GRXCR2: variants seen among roughly 807,000 people sequenced by gnomAD.
The protein encoded by GRXCR2 is glutaredoxin and cysteine rich domain containing 2.
GRXCR2 carries 23 observed loss-of-function variants against 24.8 expected under a neutral mutation model. The ratio of observed to expected loss-of-function variants is 0.93; its 90% CI spans 0.67 to 1.32. The LOEUF is 1.32. Ranked by LOEUF, GRXCR2 falls within the 40% of genes most tolerant of loss-of-function variation. GRXCR2 has a pLI of 0.00. For synonymous variants in GRXCR2, 130 were observed against 116.1 expected (o/e 1.12, Z -0.77); for missense variants, 315 against 303.4 (o/e 1.04, Z -0.28).
chr5:145,876,982 G>C (rs1756628195), upstream of GRXCR2, among the ~76,000 whole-genome samples: 1 of 151,982 alleles, frequency 6.6e-6, no homozygotes, highest in African/African-American at 2.4e-5. Context: ...CTGGCAACTG[G>C]GTGGAGGATT....
chr5:145,904,886 G>A (rs990108852), intron 2 of GRXCR2, among the ~76,000 whole-genome samples: 2 of 152,150 alleles, frequency 1.3e-5, no homozygotes, highest in African/African-American at 4.8e-5. Context: ...GCTCTTGAAG[G>A]GCGCATGGTT....
At position 145,872,657 on chromosome 5, in the gene GRXCR2, G is replaced by T. The variant is rs774781797; in HGVS notation, c.312C>A (p.Asn104Lys). Residue 104 changes from asparagine (N) to lysine (K), a missense_variant, in exon 1 of 3, where the codon AAC becomes AAA. Asn to Lys is a moderately conservative substitution (Grantham distance 94, BLOSUM62 0). Coordinates refer to ENST00000377976, the MANE Select transcript of GRXCR2 (RefSeq NM_001080516.2). ...CCTTATGGTCATTCGCCTTGTAATC[G>T]TTGAACCGAGGCTGGCCGCCTGCCA... ...YTLAGGQPRF[N>K]DYKANDHKPL... 1.2e-6 allele frequency: 2 copies of T among 1,605,488 alleles called. No individual in the cohort carries two copies. The highest frequency in any genetic ancestry group is 1.7e-6 in the Non-Finnish European group (2 of 1,173,926).
Position 145,859,313 on chromosome 5 carries a change from C to T in GRXCR2, c.*420G>A. 1 of 169,802 alleles carries T rather than the reference C, an allele frequency of 5.9e-6. No homozygotes were observed. Among genetic ancestry groups the T allele is most frequent in the Admixed American group, 5.6e-5 (1 of 17,792 alleles). 10.5% of individuals were successfully genotyped at this position (169,802 alleles called of 1,614,324 possible). On this transcript the variant is annotated 3_prime_UTR_variant, in exon 3 of 3. Coordinates refer to ENST00000377976, the MANE Select transcript of GRXCR2 (RefSeq NM_001080516.2). ...GTTTGACTAATAATCACATGAGATG[C>T]ATTATAAGCAACAAGAAATCAGTTC... is the stretch of plus-strand genomic sequence containing the variant.
chr5:145,882,745 C>G (rs1756721178), intron 2 of GRXCR2, among the ~76,000 whole-genome samples: 1 of 152,078 alleles, frequency 6.6e-6, no homozygotes, highest in African/African-American at 2.4e-5. Context: ...TGGCACTATT[C>G]ACAATAGCTA....
chr5:145,868,220 C>G (rs939918758), intron 1 of GRXCR2, among the ~76,000 whole-genome samples: 1 of 152,142 alleles, frequency 6.6e-6, no homozygotes, highest in Non-Finnish European at 1.5e-5. Flanking sequence ...AATTATTCTT[C>G]TGTAGTGCAT....
intron 2 of GRXCR2, among the ~76,000 whole-genome samples, chr5:145,878,297 GA>G (rs891928319): frequency 6.6e-6 from 1 of 152,014 alleles, no homozygotes; most frequent in African/African-American, 2.4e-5. Flanking sequence ...TAAAAACCTT[GA>G]AAAAAGGTTA....
chr5:145,927,279 G>A (rs1757412518), intron 2 of GRXCR2, among the ~76,000 whole-genome samples: 1 of 152,120 alleles, frequency 6.6e-6, no homozygotes, highest in African/African-American at 2.4e-5. Context: ...AATAGGAGTG[G>A]TGAGAGAGGG....
At chr5:145,869,832 C>T (rs963925927) in intron 1 of GRXCR2, among the ~76,000 whole-genome samples, 2 of 152,170 alleles carry the variant, frequency 1.3e-5, no homozygotes, top group African/African-American at 4.8e-5. Flanking sequence ...GCTGGGATTA[C>T]AGGTGTGGGC....
chr5:145,908,564 G>A (rs565537650), intron 2 of GRXCR2, among the ~76,000 whole-genome samples: 1 of 152,286 alleles, frequency 6.6e-6, no homozygotes, highest in East Asian at 1.9e-4. Context: ...GCAGTATTAA[G>A]GAAGAAAATT....
Position 145,897,591 on chromosome 5 carries a change from C to CA in GRXCR2, c.-69-30864dup, listed in dbSNP as rs933875250. Among the ~76,000 whole-genome samples, 50 of 151,458 alleles carry CA rather than the reference C, an allele frequency of 3.3e-4. No individual in the cohort carries two copies. The Middle Eastern group carries it at 0.01, about 31-fold the overall frequency. On this transcript the variant is annotated intron_variant, in intron 2 of 3. Transcript: ENST00000639411. ...CCATAAAGCAAGTCTCAATCAATTC[C>CA]AAAAAAAATCACAATTATACTAACC...
At chr5:145,886,183 A>C (rs1756777775) in intron 2 of GRXCR2, among the ~76,000 whole-genome samples, 1 of 152,248 alleles carries the variant, frequency 6.6e-6, no homozygotes, top group Non-Finnish European at 1.5e-5. Flanking sequence ...GGTGTCACTT[A>C]GCTACCTATG....
At chr5:145,922,927 G>A (rs775944386) in intron 2 of GRXCR2, among the ~76,000 whole-genome samples, 10 of 152,226 alleles carry the variant, frequency 6.6e-5, no homozygotes, top group Non-Finnish European at 1.0e-4. Flanking sequence ...AGTGGGGTTT[G>A]CAATTATAAA....
intron 2 of GRXCR2, among the ~76,000 whole-genome samples, chr5:145,899,212 G>T (rs967204241): frequency 3.9e-5 from 6 of 152,036 alleles, no homozygotes; most frequent in Admixed American, 3.3e-4. Context: ...GGAGGTAAAA[G>T]ACCTCTACAA....
chr5:145,893,439 A>T (rs922595412), intron 2 of GRXCR2, among the ~76,000 whole-genome samples: 4 of 152,108 alleles, frequency 2.6e-5, no homozygotes, highest in Non-Finnish European at 4.4e-5. Flanking sequence ...TGGAGGAAGA[A>T]CTACCAAGCA....
chr5:145,866,458 G>C, intron 2 of GRXCR2, 43 bp downstream of exon 2: 2 of 1,450,006 alleles, frequency 1.4e-6, no homozygotes, highest in Non-Finnish European at 9.6e-7. Flanking sequence ...GACCATTGCT[G>C]TAGGGCCAGC....
chr5:145,919,609 C>T lies in GRXCR2; in HGVS notation c.-70+16092G>A, dbSNP rs146506331. Among the ~76,000 whole-genome samples the T allele has an allele frequency of 4.7e-3, 710 of 152,066 alleles. 7 individuals are homozygous for T. The highest frequency in any genetic ancestry group is 0.016 in the African/African-American group (658 of 41,496). Reference sequence around the variant, plus strand: ...AAGAAGGGTTTAAGTATTGGGTAGGCGGGTGGGTAGGAGGGAGGAGGAGAA... The same window carrying T: ...AAGAAGGGTTTAAGTATTGGGTAGGTGGGTGGGTAGGAGGGAGGAGGAGAA... On this transcript the variant is annotated intron_variant, in intron 2 of 3. Coordinates refer to the GRXCR2 transcript ENST00000639411.
chr5:145,923,493 T>C (rs555863190), intron 2 of GRXCR2, among the ~76,000 whole-genome samples: 2 of 152,326 alleles, frequency 1.3e-5, no homozygotes, highest in Non-Finnish European at 2.9e-5. Context: ...AGTAAATAGA[T>C]GCCACAAAAC....
chr5:145,925,961 G>T (rs997143652), intron 2 of GRXCR2, among the ~76,000 whole-genome samples: 1 of 151,722 alleles, frequency 6.6e-6, no homozygotes, highest in Non-Finnish European at 1.5e-5. Flanking sequence ...TCTCACTTGT[G>T]TGACAAAAAA....
chr5:145,898,656 A>C (rs1432860027), intron 2 of GRXCR2, among the ~76,000 whole-genome samples: 1 of 152,124 alleles, frequency 6.6e-6, no homozygotes, highest in Non-Finnish European at 1.5e-5. Flanking sequence ...GTAATTCACC[A>C]CATAAAAAAT....
Sources: allele counts gnomAD v4.1 joint callset (sites outside exome capture counted in the v4.1 genomes callset), GRCh38; gene constraint gnomAD v4.1.1; transcripts MANE v1.5; gene names NCBI Gene and HGNC (gene_info 2026-07-23, HGNC 2026-07-21).